PDSS2: variants seen among roughly 807,000 people sequenced by gnomAD.
PDSS2 encodes all trans-polyprenyl-diphosphate synthase PDSS2.
PDSS2 carries 31 observed loss-of-function variants against 44.5 expected under a neutral mutation model. The observed-to-expected ratio is 0.70, with a 90% CI of 0.52 to 0.94. The LOEUF (loss-of-function observed/expected upper bound fraction) is 0.94, where lower values mean the gene tolerates loss of function less well. Ranked by LOEUF, PDSS2 falls within the 40% of genes least tolerant of loss-of-function variation. PDSS2 has a pLI of 0.00. For missense variants in PDSS2, 452 were observed against 482.2 expected (o/e 0.94, Z 0.59); for synonymous variants, 157 against 180.3 (o/e 0.87, Z 1.03).
intron 1 of PDSS2, 48 bp from the exon 2 acceptor site, chr6:107,334,380 C>T (rs200030540): frequency 1.3e-6 from 2 of 1,570,248 alleles, no homozygotes; most frequent in Non-Finnish European, 1.8e-6. Context: ...CTCACGAGAT[C>T]ATCAGATAAC....
intron 2 of PDSS2, among the ~76,000 whole-genome samples, chr6:107,302,383 C>T (rs1776723771): frequency 6.6e-6 from 1 of 151,866 alleles, no homozygotes; most frequent in Admixed American, 6.6e-5. Context: ...AAAGGATCCT[C>T]CCACCTCAGC....
chr6:107,289,527 A>C (rs374376470), intron 2 of PDSS2, among the ~76,000 whole-genome samples: 2 of 151,880 alleles, frequency 1.3e-5, no homozygotes, highest in East Asian at 3.9e-4. Flanking sequence ...CGGCGAAACT[A>C]TCCCTAGAAA....
chr6:107,404,266 G>A (rs1021725383), intron 1 of PDSS2, among the ~76,000 whole-genome samples: 2 of 152,040 alleles, frequency 1.3e-5, no homozygotes, highest in Non-Finnish European at 2.9e-5. Context: ...TCAGCATTTT[G>A]GTCAAAGCTA....
In PDSS2 at chr6:107,394,502, G is replaced by A. The variant is rs560472281; in HGVS notation, c.297-60170C>T. Among the ~76,000 whole-genome samples, 48 of 152,128 alleles carry A rather than the reference G, an allele frequency of 3.2e-4. 1 individual carries two copies. Among genetic ancestry groups the A allele is most frequent in the Middle Eastern group, 3.4e-3 (1 of 294 alleles). On this transcript the variant is annotated intron_variant, in intron 1 of 7. Coordinates refer to ENST00000369037, the MANE Select transcript of PDSS2 (RefSeq NM_020381.4). ...CTCTCATAAGAACTCACTACCATGA[G>A]GACAGTACCGAGATCATCGTACTAA...
chr6:107,257,293 C>T, intron 3 of PDSS2, among the ~76,000 whole-genome samples: 1 of 151,960 alleles, frequency 6.6e-6, no homozygotes, highest in East Asian at 1.9e-4. Flanking sequence ...AATCCCAACA[C>T]TTTGGGGGCT....
At chr6:107,368,842 G>A (rs558796629) in intron 1 of PDSS2, among the ~76,000 whole-genome samples, 1 of 152,238 alleles carries the variant, frequency 6.6e-6, no homozygotes, top group East Asian at 1.9e-4. Flanking sequence ...AAGTAAAAAT[G>A]CAAAGTGCCT....
chr6:107,195,707 C>A (rs868190756), intron 6 of PDSS2, among the ~76,000 whole-genome samples: 1 of 143,606 alleles, frequency 7.0e-6, no homozygotes, highest in African/African-American at 2.6e-5. Flanking sequence ...TTACAGGCAC[C>A]CACCACCACG....
intron 7 of PDSS2, among the ~76,000 whole-genome samples, chr6:107,180,583 A>T (rs148413184): frequency 6.6e-6 from 1 of 152,300 alleles, no homozygotes; most frequent in Non-Finnish European, 1.5e-5. Context: ...ATCCTGCACC[A>T]GGTGCTGTAG....
At chr6:107,397,130 T>TA (rs1169010385) in intron 1 of PDSS2, among the ~76,000 whole-genome samples, 1 of 152,108 alleles carries the variant, frequency 6.6e-6, no homozygotes, top group Non-Finnish European at 1.5e-5. Context: ...CATCTTCCTC[T>TA]AGATTAGTAG....
chr6:107,255,371 T>C (rs1434174149), intron 3 of PDSS2, among the ~76,000 whole-genome samples: 1 of 151,544 alleles, frequency 6.6e-6, no homozygotes, highest in African/African-American at 2.4e-5. Flanking sequence ...TTTGCATTTT[T>C]AGTAGAGATG....
At chr6:107,321,419 A>G (rs1777377885) in intron 2 of PDSS2, among the ~76,000 whole-genome samples, 3 of 152,214 alleles carry the variant, frequency 2.0e-5, no homozygotes, top group Non-Finnish European at 4.4e-5. Flanking sequence ...GTATTTACAA[A>G]ACAGTCATTA....
Position 107,455,754 on chromosome 6 carries a change from CAAAAAAAAAA to C in PDSS2, c.296+3226_296+3235del, listed in dbSNP as rs60783838. On this transcript the variant is annotated intron_variant, in intron 1 of 7. Coordinates refer to ENST00000369037, the MANE Select transcript of PDSS2 (RefSeq NM_020381.4). ...CTGGCGATAGAGCGAGACTCTGTCTCAAAAAAAAAAAAAAAAAAAAAAAAAAAAACTTAAG... is the reference window on the plus strand; with the variant it reads ...CTGGCGATAGAGCGAGACTCTGTCTCAAAAAAAAAAAAAAAAAAACTTAAG... Among the ~76,000 whole-genome samples, 790 of 55,754 alleles carry C rather than the reference CAAAAAAAAAA, an allele frequency of 0.014. 32 individuals carry two copies. The East Asian group carries it at 0.23, about 16-fold the overall frequency. The allele number at this position is 55,754 out of a possible 152,430, so 36.6% of individuals were successfully genotyped here.
At position 107,257,969 on chromosome 6, in the gene PDSS2, A is replaced by C. The variant is rs142347481; in HGVS notation, c.631-12350T>G. 7.9e-5 allele frequency among the ~76,000 whole-genome samples: 12 copies of C among 152,192 alleles called. No homozygotes were observed. The East Asian group carries it at 2.3e-3, about 29-fold the overall frequency. On this transcript the variant is annotated intron_variant, in intron 3 of 7. Coordinates refer to ENST00000369037, the MANE Select transcript of PDSS2 (RefSeq NM_020381.4). Reference sequence around the variant, plus strand: ...ATGCTTCATGCAATGCACACACAAAAATTTTTTTTGAATTAACAATACTGT... The same window carrying C: ...ATGCTTCATGCAATGCACACACAAACATTTTTTTTGAATTAACAATACTGT...
At chr6:107,272,021 C>T (rs1359032767) in intron 3 of PDSS2, among the ~76,000 whole-genome samples, 2 of 150,542 alleles carry the variant, frequency 1.3e-5, no homozygotes, top group African/African-American at 4.9e-5. Context: ...CACGCCACTG[C>T]ACTCCAGCCT....
chr6:107,429,931 T>TA, intron 1 of PDSS2, among the ~76,000 whole-genome samples: 1 of 103,384 alleles, frequency 9.7e-6, no homozygotes, highest in East Asian at 3.0e-4. Flanking sequence ...TATATATATA[T>TA]ATATATACAC....
At position 107,459,180 on chromosome 6, in the gene PDSS2, C is replaced by A. The variant is rs1782162170; in HGVS notation, c.106G>T (p.Gly36Cys). The change falls in exon 1 of 8, where the codon GGC becomes TGC. Residue 36 changes from glycine (G) to cysteine (C), a missense_variant. By Grantham distance (159) the Gly-to-Cys change is radical. Coordinates refer to ENST00000369037, the MANE Select transcript of PDSS2 (RefSeq NM_020381.4). This position sits in a 1 kb window ranked among gnomAD's most constrained non-coding sequence, Gnocchi z 4.3. ...TTGGAGGACCGACCACGCCAAGAGC[C>A]CACCGAGGAGATGGTGTCGAGGGAC... Reference protein sequence around the residue: ...SPSLDTISSVGSWRGRSSKSP... With the variant: ...SPSLDTISSVCSWRGRSSKSP... 1 of 1,614,002 alleles carries A rather than the reference C, an allele frequency of 6.2e-7. No homozygotes were observed. Among genetic ancestry groups the A allele is most frequent in the African/African-American group, 1.3e-5 (1 of 74,924 alleles).
At chr6:107,406,014 T>G (rs1282237358) in intron 1 of PDSS2, among the ~76,000 whole-genome samples, 3 of 152,204 alleles carry the variant, frequency 2.0e-5, no homozygotes, top group Non-Finnish European at 4.4e-5. Flanking sequence ...AATATATCCA[T>G]GTATCAAAAC....
At chr6:107,239,924 G>T (rs527314180) in intron 4 of PDSS2, among the ~76,000 whole-genome samples, 1 of 152,012 alleles carries the variant, frequency 6.6e-6, no homozygotes, top group Non-Finnish European at 1.5e-5. Flanking sequence ...TTACAGGCGT[G>T]AGCCACCGTG....
At chr6:107,170,459 C>T (rs897409256) in intron 7 of PDSS2, among the ~76,000 whole-genome samples, 16 of 152,324 alleles carry the variant, frequency 1.1e-4, no homozygotes, top group Admixed American at 5.2e-4. Context: ...CTTCAGCTCA[C>T]GCTCGGTGCA....
Sources: allele counts gnomAD v4.1 joint callset (sites outside exome capture counted in the v4.1 genomes callset), GRCh38; gene constraint gnomAD v4.1.1; non-coding constraint Gnocchi (gnomAD v3.1); transcripts MANE v1.5; gene names NCBI Gene and HGNC (gene_info 2026-07-23, HGNC 2026-07-21).